YES1: variants seen among roughly 807,000 people sequenced by gnomAD.
The protein encoded by YES1 is tyrosine-protein kinase Yes.
In YES1, 39 loss-of-function variants were observed where a neutral mutation model predicts 70.4. The observed-to-expected ratio is 0.55, with a 90% CI of 0.43 to 0.72. The LOEUF is 0.72. Among genes scored for constraint, YES1 ranks in the 30% least tolerant of loss-of-function variants. The pLI, the probability that YES1 is intolerant of heterozygous loss-of-function variation, is 0.00. For missense variants in YES1, 495 were observed against 644.8 expected (o/e 0.77, Z 2.52); for synonymous variants, 198 against 218.6 (o/e 0.91, Z 0.83).
intron 11 of YES1, among the ~76,000 whole-genome samples, chr18:728,501 CAA>C (rs2080048250): frequency 6.6e-6 from 1 of 152,068 alleles, no homozygotes; most frequent in East Asian, 1.9e-4. Context: ...TGTCAATGCT[CAA>C]AAAGTTTTGG....
rs1010928891 is a variant in YES1 at position 751,726 on chromosome 18, C to A, written c.350G>T (p.Arg117Ile). 2 of 1,590,462 alleles carry A rather than the reference C, an allele frequency of 1.3e-6. No homozygotes were observed. Among genetic ancestry groups the A allele is most frequent in the Non-Finnish European group, 1.7e-6 (2 of 1,160,518 alleles). ...TEDLSFKKGE[R>I]FQIINNTEGD... ...TTACGTATTGTTAATTATTTGAAAT[C>A]TTTCACCCTTCTTAAATGAAAGGTC... Residue 117 changes from arginine (R) to isoleucine (I), a missense_variant, in exon 3 of 12, where the codon AGA becomes ATA. Coordinates refer to ENST00000314574, the MANE Select transcript of YES1 (RefSeq NM_005433.4).
chr18:775,229 C>T (rs777130506), intron 1 of YES1: 1 of 152,114 alleles, frequency 6.6e-6, no homozygotes, highest in African/African-American at 2.4e-5. Context: ...ATGTTTGCAA[C>T]TGTGATCATT....
intron 1 of YES1, among the ~76,000 whole-genome samples, chr18:762,671 G>A (rs375264645): frequency 9.2e-5 from 14 of 152,080 alleles, no homozygotes; most frequent in Admixed American, 2.6e-4. Flanking sequence ...ACACTACTCC[G>A]GTGACGGGTG....
At chr18:731,456 C>G (rs12185470) in intron 11 of YES1, among the ~76,000 whole-genome samples, 1 of 152,044 alleles carries the variant, frequency 6.6e-6, no homozygotes. Flanking sequence ...AGATCTACAG[C>G]TGGAGGGAAC....
intron 11 of YES1, among the ~76,000 whole-genome samples, chr18:727,710 T>G (rs1374238688): frequency 6.6e-6 from 1 of 152,166 alleles, no homozygotes; most frequent in Non-Finnish European, 1.5e-5. Flanking sequence ...TACCTCTTAT[T>G]CCCTGACCCC....
At chr18:809,480 T>G (rs1231738669) in intron 1 of YES1, among the ~76,000 whole-genome samples, 2 of 152,120 alleles carry the variant, frequency 1.3e-5, no homozygotes, top group Non-Finnish European at 2.9e-5. Context: ...TTGTACTTTT[T>G]AGTAGAGATG....
intron 1 of YES1, among the ~76,000 whole-genome samples, chr18:790,484 A>G (rs1402666826): frequency 1.3e-5 from 2 of 152,208 alleles, no homozygotes; most frequent in East Asian, 3.8e-4. Context: ...TCCTCTTATT[A>G]TAACAAAAAA....
chr18:733,046 C>T, intron 10 of YES1, 81 bp from the exon 11 acceptor site: 1 of 1,351,848 alleles, frequency 7.4e-7, no homozygotes, highest in Non-Finnish European at 1.1e-6. Flanking sequence ...GGCTAATGTT[C>T]TGTCAATATC....
At chr18:758,208 CATTTT>C (rs1188769994) in intron 1 of YES1, among the ~76,000 whole-genome samples, 2 of 152,014 alleles carry the variant, frequency 1.3e-5, no homozygotes, top group African/African-American at 4.8e-5. Flanking sequence ...ATTTTAATGA[CATTTT>C]ATTTTTTCAT....
intron 1 of YES1, among the ~76,000 whole-genome samples, chr18:783,605 A>G (rs1382934828): frequency 6.8e-6 from 1 of 146,670 alleles, no homozygotes; most frequent in Non-Finnish European, 1.5e-5. Context: ...TTCTACATGT[A>G]TCAATTTTTC....
At chr18:743,708 C>T (rs1473543694) in intron 6 of YES1, among the ~76,000 whole-genome samples, 2 of 151,886 alleles carry the variant, frequency 1.3e-5, no homozygotes, top group Non-Finnish European at 2.9e-5. Context: ...GAGTTCGAGA[C>T]TAGCCTGGCC....
intron 10 of YES1, among the ~76,000 whole-genome samples, chr18:735,415 T>C (rs2080141200): frequency 6.6e-6 from 1 of 151,486 alleles, no homozygotes; most frequent in South Asian, 2.1e-4. Flanking sequence ...AAATATTGTA[T>C]GGTCTCACTT....
chr18:782,136 C>T (rs557245667), intron 1 of YES1, among the ~76,000 whole-genome samples: 7 of 152,328 alleles, frequency 4.6e-5, no homozygotes, highest in South Asian at 2.1e-4. Flanking sequence ...TCCTTCACCA[C>T]CTCCATGTGT....
At position 730,865 on chromosome 18, in the gene YES1, T is replaced by C. The variant is rs528893264; in HGVS notation, c.1423+1969A>G. On this transcript the variant is annotated intron_variant, in intron 11 of 11. Coordinates refer to ENST00000314574, the MANE Select transcript of YES1 (RefSeq NM_005433.4). ...GTTGCATGGCTGTGTGGTTTTTTTC[T>C]AGCCCTGTCTGCAAGTGTGGTGTAG... Among the ~76,000 whole-genome samples, 4 of 152,348 alleles carry C rather than the reference T, an allele frequency of 2.6e-5. No individual in the cohort carries two copies. The South Asian group carries it at 8.3e-4, about 32-fold the overall frequency.
Position 721,698 on chromosome 18 carries a change from G to A in YES1, c.*2726C>T, listed in dbSNP as rs6506476. On this transcript the variant is annotated 3_prime_UTR_variant, in exon 12 of 12. Transcript: ENST00000314574. ...GGAAGAATAAATTCAGAATATATCA[G>A]TTTTTAAAAAACGAATGAGAATATG... 89,950 of 152,010 alleles carry A rather than the reference G, an allele frequency of 0.59. 26,938 individuals are homozygous for A. The highest frequency in any genetic ancestry group is 0.71 in the East Asian group (3,655 of 5,178). 9.4% of individuals were successfully genotyped at this position (152,010 alleles called of 1,614,324 possible). A position where few individuals can be genotyped will look rare whatever the true frequency, so the allele number is the denominator to read the frequency against.
At position 724,152 on chromosome 18, in the gene YES1, T is replaced by A. The variant is rs796826797; in HGVS notation, c.*272A>T. The A allele has an allele frequency of 4.3e-5, 14 of 328,568 alleles. No homozygotes were observed. Among genetic ancestry groups the A allele is most frequent in the African/African-American group, 2.9e-4 (14 of 48,240 alleles). 20.4% of individuals were successfully genotyped at this position (328,568 alleles called of 1,614,324 possible). ...TTATAAATAAGCAGGAGCCTCACTG[T>A]CCTTCATTACCATGCTGTCACCCAC... is the stretch of plus-strand genomic sequence containing the variant. On this transcript the variant is annotated 3_prime_UTR_variant, in exon 12 of 12. Transcript: ENST00000314574.
intron 1 of YES1, among the ~76,000 whole-genome samples, chr18:806,937 A>G (rs185536230): frequency 1.3e-3 from 202 of 152,308 alleles, no homozygotes; most frequent in Non-Finnish European, 2.4e-3. Flanking sequence ...AGTCAAAGGA[A>G]TATCTCCAGA....
At chr18:796,416 A>AT (rs1184101359) in intron 1 of YES1, among the ~76,000 whole-genome samples, 1 of 152,224 alleles carries the variant, frequency 6.6e-6, no homozygotes, top group Non-Finnish European at 1.5e-5. Context: ...ATCAATACAC[A>AT]TTAGTTGCTG....
chr18:768,963 G>GA (rs1568206669), intron 1 of YES1, among the ~76,000 whole-genome samples: 1 of 152,016 alleles, frequency 6.6e-6, no homozygotes, highest in Non-Finnish European at 1.5e-5. Flanking sequence ...TCAGCCTCCC[G>GA]AAGTGCTGGG....
Sources: allele counts gnomAD v4.1 joint callset (sites outside exome capture counted in the v4.1 genomes callset), GRCh38; gene constraint gnomAD v4.1.1; transcripts MANE v1.5; gene names NCBI Gene and HGNC (gene_info 2026-07-23, HGNC 2026-07-21).